KCNJ15: variants seen among roughly 807,000 people sequenced by gnomAD.
The protein encoded by KCNJ15 is potassium inwardly rectifying channel subfamily J member 15, also known as ATP-sensitive inward rectifier potassium channel 15.
KCNJ15 carries 14 observed loss-of-function variants against 23.0 expected under a neutral mutation model. The observed-to-expected ratio is 0.61, with a 90% CI of 0.40 to 0.95. The LOEUF (loss-of-function observed/expected upper bound fraction) is 0.95. KCNJ15 is among the 40% of genes least tolerant of loss of function. The pLI is 0.00. For missense variants in KCNJ15, 388 were observed against 461.8 expected (o/e 0.84, Z 1.46); for synonymous variants, 185 against 183.2 (o/e 1.01, Z -0.08).
chr21:38,255,067 A>T (rs1433482526), upstream of KCNJ15, among the ~76,000 whole-genome samples: 3 of 152,210 alleles, frequency 2.0e-5, no homozygotes, highest in Admixed American at 2.0e-4. Flanking sequence ...TCTAGACTGG[A>T]ACACAGATGG....
At chr21:38,289,849 C>T (rs748143831) in intron 1 of KCNJ15, among the ~76,000 whole-genome samples, 2 of 152,232 alleles carry the variant, frequency 1.3e-5, no homozygotes, top group Non-Finnish European at 2.9e-5. Context: ...TGCCAGTCAT[C>T]TCACAACAAT....
intron 1 of KCNJ15, chr21:38,272,254 C>T (rs956864043): frequency 1.3e-5 from 2 of 152,240 alleles, no homozygotes; most frequent in Non-Finnish European, 2.9e-5. Flanking sequence ...AGAGGACTGT[C>T]TTTCACCCAT....
chr21:38,244,607 G>A (rs772511196), intron 1 of KCNJ15, among the ~76,000 whole-genome samples: 15 of 152,112 alleles, frequency 9.9e-5, no homozygotes, highest in Admixed American at 2.0e-4. Flanking sequence ...GACACTAAGA[G>A]TACCTCCAGT....
At chr21:38,275,519 C>CAAAAAAAAAAAAAAAAAAAAAAAA in intron 1 of KCNJ15, among the ~76,000 whole-genome samples, 1 of 88,120 alleles carries the variant, frequency 1.1e-5, no homozygotes, top group Non-Finnish European at 2.1e-5. Flanking sequence ...GAAACTCCGT[C>CAAAAAAAAAAAAAAAAAAAAAAAA]AAAAAAAAAA....
rs1053942648 is a variant in KCNJ15 at position 38,301,355 on chromosome 21, T to C, written c.*966T>C. ...CCCTGTGGCATCCAGACCTGGCCTC[T>C]CTTCATTTCATTATTATTGGCCAAT... On this transcript the variant is annotated 3_prime_UTR_variant, in exon 3 of 3. Transcript: ENST00000398938. 1 of 167,138 alleles carries C rather than the reference T, an allele frequency of 6.0e-6. No individual in the cohort carries two copies. Among genetic ancestry groups the C allele is most frequent in the Non-Finnish European group, 1.5e-5 (1 of 68,132 alleles). The allele number at this position is 167,138 out of a possible 1,614,324, so 10.4% of individuals were successfully genotyped here.
upstream of KCNJ15, among the ~76,000 whole-genome samples, chr21:38,254,113 A>G (rs1190540754): frequency 6.6e-6 from 1 of 152,234 alleles, no homozygotes; most frequent in Non-Finnish European, 1.5e-5. Flanking sequence ...TTATTTTGTC[A>G]GGATTAACAG....
chr21:38,294,168 A>AT (rs1166396202), intron 1 of KCNJ15, among the ~76,000 whole-genome samples: 1 of 152,238 alleles, frequency 6.6e-6, no homozygotes, highest in Non-Finnish European at 1.5e-5. Context: ...TTAAAGTCAA[A>AT]TTTAATCCAG....
rs60094452 is a variant in KCNJ15, at chr21:38,305,080, C to CAAAAAAAAAAAAAAAAAAAAAAAAAA, written c.*4708_*4709insAAAAAAAAAAAAAAAAAAAAAAAAAA. On this transcript the variant is annotated 3_prime_UTR_variant, in exon 3 of 3. Transcript: ENST00000398938. ...GGGCAACAAAAGTAAAACTCCGTCT[C>CAAAAAAAAAAAAAAAAAAAAAAAAAA]AAAAAAAAAAAAAAAAAGAAAAAGA... 1 of 97,798 alleles carries CAAAAAAAAAAAAAAAAAAAAAAAAAA rather than the reference C, an allele frequency of 1.0e-5. No homozygotes were observed. 6.1% of individuals were successfully genotyped at this position (97,798 alleles called of 1,614,324 possible).
chr21:38,300,236 T>C lies in KCNJ15; in HGVS notation c.975T>C (p.Ala325=), dbSNP rs775880684. The part of the protein sequence containing the change: ...VSLSKNGKYV[A]DFSQFEQIRK... Reference sequence around the variant, plus strand: ...TCTCCAAAAATGGAAAATATGTGGCTGATTTCAGTCAGTTTGAACAGATTC... The same window carrying C: ...TCTCCAAAAATGGAAAATATGTGGCCGATTTCAGTCAGTTTGAACAGATTC... The change falls in exon 3 of 3, where the codon GCT becomes GCC. Residue 325 remains alanine, a synonymous_variant. Transcript: ENST00000398938. 2.0e-5 allele frequency: 33 copies of C among 1,614,106 alleles called. No homozygotes were observed. Among genetic ancestry groups the C allele is most frequent in the Admixed American group, 2.0e-4 (12 of 60,004 alleles).
chr21:38,299,322 G>A lies in KCNJ15; in HGVS notation c.61G>A (p.Gly21Arg). The A allele has an allele frequency of 6.2e-7, 1 of 1,614,192 alleles. No homozygotes were observed. Among genetic ancestry groups the A allele is most frequent in the Non-Finnish European group, 8.5e-7 (1 of 1,180,010 alleles). The change falls in exon 3 of 3, where the codon GGG becomes AGG. Residue 21 changes from glycine to arginine, a missense_variant. Physicochemically the swap from Gly to Arg is moderately radical, Grantham distance 125. Coordinates refer to ENST00000398938, the MANE Select transcript of KCNJ15 (RefSeq NM_170736.3). The surrounding 1 kb of genome is among the most constrained non-coding windows in gnomAD (Gnocchi z 4.5). ...TPLVKHTAGA[G>R]LKANRPRVMS... ...CCTGGTGAAGCACACTGCTGGGGCT[G>A]GGCTCAAGGCCAACAGACCCCGCGT...
intron 1 of KCNJ15, among the ~76,000 whole-genome samples, chr21:38,263,304 G>A (rs1012974367): frequency 2.6e-5 from 4 of 152,138 alleles, no homozygotes; most frequent in Non-Finnish European, 5.9e-5. Flanking sequence ...GCAGGAGGGA[G>A]TGTCCTGAAA....
At chr21:38,281,136 G>A (rs9982723) in intron 1 of KCNJ15, among the ~76,000 whole-genome samples, 100,111 of 152,102 alleles carry the variant, frequency 0.66, 33,663 homozygotes, top group Non-Finnish European at 0.73. Context: ...CAGGGAATTC[G>A]TATGCAAGTT....
At chr21:38,294,442 C>T (rs1262811296) in intron 1 of KCNJ15, among the ~76,000 whole-genome samples, 2 of 152,144 alleles carry the variant, frequency 1.3e-5, no homozygotes, top group Non-Finnish European at 1.5e-5. Flanking sequence ...AGTTGAGGAA[C>T]CCCGGTTCTG....
At position 38,303,376 on chromosome 21, in the gene KCNJ15, TA is replaced by T. The variant is rs1601270875; in HGVS notation, c.*2993del. 1.3e-5 allele frequency: 2 copies of T among 151,982 alleles called. 1 individual carries two copies. Among genetic ancestry groups the T allele is most frequent in the South Asian group, 4.1e-4 (2 of 4,824 alleles). 9.4% of individuals were successfully genotyped at this position (151,982 alleles called of 1,614,324 possible). On this transcript the variant is annotated 3_prime_UTR_variant, in exon 3 of 3. Coordinates refer to ENST00000398938, the MANE Select transcript of KCNJ15 (RefSeq NM_170736.3). ...TGTTAGGTTTTCTCAATGAGACCAT[TA>T]AAAAACGTTGTGTTCCATTTGAGAA...
At chr21:38,235,766 G>C (rs80121826) in intron 1 of KCNJ15, among the ~76,000 whole-genome samples, 4,478 of 152,096 alleles carry the variant, frequency 0.029, 83 homozygotes, top group Non-Finnish European at 0.037. Flanking sequence ...TTTGAAATGT[G>C]GACTAGCAAA....
At chr21:38,258,742 A>G (rs1244611301) in intron 1 of KCNJ15, among the ~76,000 whole-genome samples, 1 of 152,194 alleles carries the variant, frequency 6.6e-6, no homozygotes, top group Non-Finnish European at 1.5e-5. Flanking sequence ...TCCTCTCTCC[A>G]TGTTTCCACT....
At chr21:38,238,371 G>T in intron 1 of KCNJ15, 1 of 718,482 alleles carries the variant, frequency 1.4e-6, no homozygotes, top group South Asian at 1.4e-5. Flanking sequence ...GGAAACTCGA[G>T]GGGTCCCCAT....
intron 1 of KCNJ15, among the ~76,000 whole-genome samples, chr21:38,279,252 A>G (rs1339988287): frequency 1.3e-5 from 2 of 152,152 alleles, no homozygotes. Flanking sequence ...GGGCAATCAA[A>G]GGGAGGAACC....
In KCNJ15 at chr21:38,288,026, C is replaced by CTTTTTTTTTTTTTTTTTTTTTTT; in HGVS notation, c.-116-8897_-116-8896insTTTTTTTTTTTTTTTTTTTTTTT. 3.7e-3 allele frequency among the ~76,000 whole-genome samples: 286 copies of CTTTTTTTTTTTTTTTTTTTTTTT among 78,160 alleles called. 110 individuals carry two copies. Among genetic ancestry groups the CTTTTTTTTTTTTTTTTTTTTTTT allele is most frequent in the Non-Finnish European group, 4.3e-3 (189 of 44,172 alleles). 51.3% of individuals were successfully genotyped at this position (78,160 alleles called of 152,430 possible). On this transcript the variant is annotated intron_variant, in intron 1 of 2. Coordinates refer to ENST00000398938, the MANE Select transcript of KCNJ15 (RefSeq NM_170736.3). ...CCATTGTTAAATAACTTGTTTTTTTCTTTGTTTTTTTTTTTTTTTTTTTTT... is the reference window on the plus strand; with the variant it reads ...CCATTGTTAAATAACTTGTTTTTTTCTTTTTTTTTTTTTTTTTTTTTTTTTTGTTTTTTTTTTTTTTTTTTTTT...
Sources: gnomAD v4.1 joint callset for allele counts (sites outside exome capture counted in the v4.1 genomes callset) on GRCh38, gnomAD v4.1.1 for gene constraint, Gnocchi (gnomAD v3.1) non-coding constraint, MANE v1.5 for transcripts, NCBI Gene and HGNC (gene_info 2026-07-23, HGNC 2026-07-21) for gene names.